The following CYLD variants were observed in gnomAD, a reference collection of about 807,000 sequenced individuals.
The protein encoded by CYLD is CYLD lysine 63 deubiquitinase, also known as ubiquitin carboxyl-terminal hydrolase CYLD.
In CYLD, 26 loss-of-function variants were observed where a neutral mutation model predicts 104.5. The ratio of observed to expected loss-of-function variants is 0.25; its 90% CI spans 0.18 to 0.35. The LOEUF (loss-of-function observed/expected upper bound fraction) is 0.35. CYLD is among the 10% of genes least tolerant of loss of function. The pLI, the probability that CYLD is intolerant of heterozygous loss-of-function variation, is 1.00. For missense variants in CYLD, 703 were observed against 1,136.1 expected (o/e 0.62, Z 5.48); for synonymous variants, 385 against 399.9 (o/e 0.96, Z 0.45).
At chr16:50,767,824 T>C (rs1245569989) in intron 5 of CYLD, among the ~76,000 whole-genome samples, 1 of 152,200 alleles carries the variant, frequency 6.6e-6, no homozygotes, top group East Asian at 1.9e-4. Flanking sequence ...CAATTTGGTT[T>C]GAAATGTAAA....
intron 18 of CYLD, 129 bp from the exon 19 acceptor site, chr16:50,796,195 A>G: frequency 1.2e-6 from 1 of 852,078 alleles, no homozygotes; most frequent in Admixed American, 2.6e-5. Context: ...TCACTTCCAG[A>G]AATCAGAAGT....
At position 50,800,767 on chromosome 16, in the gene CYLD, T is replaced by A. The variant is rs1157567293; in HGVS notation, c.*4259T>A. 5 of 233,202 alleles carry A rather than the reference T, an allele frequency of 2.1e-5. No homozygotes were observed. The East Asian group carries it at 3.0e-4, about 14-fold the overall frequency. 14.4% of individuals were successfully genotyped at this position (233,202 alleles called of 1,614,324 possible). A position where few individuals can be genotyped will look rare whatever the true frequency, so the allele number is the denominator to read the frequency against. On this transcript the variant is annotated 3_prime_UTR_variant, in exon 19 of 19. Transcript: ENST00000427738. ...CTTGTCATAAAGTAAGAGGTCTTTTTAAAGTAGGTAGGCTATAAGGCCTGT... is the reference window on the plus strand; with the variant it reads ...CTTGTCATAAAGTAAGAGGTCTTTTAAAAGTAGGTAGGCTATAAGGCCTGT...
rs564200996 is a variant in CYLD at position 50,764,859 on chromosome 16, G to T, written c.914-10307G>T. On this transcript the variant is annotated intron_variant, in intron 5 of 18. Coordinates refer to ENST00000427738, the MANE Select transcript of CYLD (RefSeq NM_001378743.1). ...GCCCTACACAACACAGAATTATCTG[G>T]TTCAGAACCTTAGTAGAACTGAGCT... is the stretch of plus-strand genomic sequence containing the variant. 1.3e-4 allele frequency among the ~76,000 whole-genome samples: 20 copies of T among 152,268 alleles called. No homozygotes were observed. In the South Asian group the frequency reaches 3.7e-3, roughly 28 times the overall value.
intron 15 of CYLD, 55 bp from the exon 16 acceptor site, chr16:50,792,542 G>A: frequency 7.6e-7 from 1 of 1,319,318 alleles, no homozygotes; most frequent in Non-Finnish European, 1.1e-6. Context: ...TGGTTTCATA[G>A]GGAAAAGTGT....
chr16:50,762,880 C>T (rs1202742596), intron 5 of CYLD, among the ~76,000 whole-genome samples: 2 of 152,166 alleles, frequency 1.3e-5, no homozygotes, highest in Non-Finnish European at 2.9e-5. Flanking sequence ...AACAGCTTTA[C>T]TGAGATCTAG....
At chr16:50,786,301 A>G (rs1970809106) in intron 12 of CYLD, 1 of 152,228 alleles carries the variant, frequency 6.6e-6, no homozygotes, top group Non-Finnish European at 1.5e-5. Flanking sequence ...AAACCTAAAA[A>G]TTTTTTATCT....
At chr16:50,771,077 T>C (rs958551342) in intron 5 of CYLD, among the ~76,000 whole-genome samples, 1 of 152,162 alleles carries the variant, frequency 6.6e-6, no homozygotes, top group Non-Finnish European at 1.5e-5. Context: ...TTTTTAAAAA[T>C]TGAAATGTAA....
intron 5 of CYLD, among the ~76,000 whole-genome samples, chr16:50,766,300 A>G (rs1968510755): frequency 6.6e-6 from 1 of 152,164 alleles, no homozygotes. Context: ...ATGACAACAC[A>G]TGTGTTTATA....
rs1343443448 is a variant in CYLD at position 50,784,310 on chromosome 16, T to C, written c.1827-19T>C. 6.2e-7 allele frequency: 1 copy of C among 1,611,644 alleles called. No individual in the cohort carries two copies. The highest frequency in any genetic ancestry group is 1.7e-5 in the Admixed American group (1 of 59,996). On this transcript the variant is annotated intron_variant, in intron 11 of 18. Coordinates refer to ENST00000427738, the MANE Select transcript of CYLD (RefSeq NM_001378743.1). ...AATATGTTTACAGCATGAAGAAAAT[T>C]ATCCTTTTTCTTTTGCAGCTTATTT...
intron 9 of CYLD, among the ~76,000 whole-genome samples, chr16:50,780,940 C>A (rs1567447869): frequency 6.6e-6 from 1 of 151,982 alleles, no homozygotes; most frequent in African/African-American, 2.4e-5. Context: ...TCCTTCCCTG[C>A]CTGTTTTAAT....
intron 2 of CYLD, among the ~76,000 whole-genome samples, chr16:50,743,107 C>T (rs999907893): frequency 6.6e-6 from 1 of 152,002 alleles, no homozygotes; most frequent in Non-Finnish European, 1.5e-5. Flanking sequence ...ACCTTCTTCT[C>T]CTCAATTTTT....
At chr16:50,783,928 G>A in intron 11 of CYLD, 1 of 242,808 alleles carries the variant, frequency 4.1e-6, no homozygotes, top group East Asian at 1.0e-4. Context: ...GGGAAGTGGG[G>A]CACTGAATAG....
chr16:50,793,450 C>G, intron 16 of CYLD, 96 bp from the exon 17 acceptor site: 1 of 864,268 alleles, frequency 1.2e-6, no homozygotes, highest in Non-Finnish European at 2.0e-6. Context: ...TGAACATTGT[C>G]CTTTTTAAAG....
At chr16:50,777,801 A>C in intron 7 of CYLD, 24 bp from the exon 8 acceptor site, 1 of 1,313,016 alleles carries the variant, frequency 7.6e-7, no homozygotes, top group East Asian at 2.3e-5. Flanking sequence ...TTATTTTTAA[A>C]TGAAACTTTT....
intron 12 of CYLD, chr16:50,785,606 C>T (rs921876133): frequency 5.9e-5 from 9 of 152,200 alleles, no homozygotes; most frequent in African/African-American, 2.2e-4. Flanking sequence ...GTTAACACCT[C>T]CTTCCTAGAA....
chr16:50,784,592 T>G (rs568112459), intron 12 of CYLD, 141 bp downstream of exon 12: 290 of 937,310 alleles, frequency 3.1e-4, no homozygotes, highest in Admixed American at 4.9e-4. Flanking sequence ...ATTACGTTTT[T>G]AAACCTTTGG....
In CYLD at chr16:50,779,677, C is replaced by A. The variant is rs956627984; in HGVS notation, c.1151C>A (p.Pro384His). ...TWYIDEVAED[P>H]AKSLTEISTD... ...AATAATTTTTTAGTTGCAGAAGACCCTGCAAAATCTCTTACAGAGATATCT... is the reference window on the plus strand; with the variant it reads ...AATAATTTTTTAGTTGCAGAAGACCATGCAAAATCTCTTACAGAGATATCT... The change falls in exon 9 of 19, where the codon CCT becomes CAT. Residue 384 changes from proline to histidine, a missense_variant. By Grantham distance (77) the Pro-to-His change is moderately conservative. This residue lies in a region of CYLD where 183 missense variants were observed against 212.1 expected (regional missense o/e 0.86). Coordinates refer to ENST00000427738, the MANE Select transcript of CYLD (RefSeq NM_001378743.1). The A allele has an allele frequency of 6.2e-7, 1 of 1,613,888 alleles. No individual in the cohort carries two copies. The highest frequency in any genetic ancestry group is 8.5e-7 in the Non-Finnish European group (1 of 1,179,928).
chr16:50,793,413 G>C, intron 16 of CYLD, 133 bp from the exon 17 acceptor site: 1 of 771,756 alleles, frequency 1.3e-6, no homozygotes, highest in Non-Finnish European at 2.4e-6. Flanking sequence ...TAAGCAGATG[G>C]AAGAGAAAGA....
chr16:50,798,338 C>T lies in CYLD; in HGVS notation c.*1830C>T, dbSNP rs995836540. The T allele has an allele frequency of 2.2e-5, 5 of 231,216 alleles. No individual in the cohort carries two copies. The highest frequency in any genetic ancestry group is 1.1e-4 in the African/African-American group (5 of 45,164). The allele number at this position is 231,216 out of a possible 1,614,324, so 14.3% of individuals were successfully genotyped here. The stretch of plus-strand genomic sequence containing the variant: ...TTTTTAAAAAAAGGATGGTTACATC[C>T]GTATTGAACATGTACAGACTTTTTT... On this transcript the variant is annotated 3_prime_UTR_variant, in exon 19 of 19. Coordinates refer to ENST00000427738, the MANE Select transcript of CYLD (RefSeq NM_001378743.1).
Sources: allele counts gnomAD v4.1 joint callset (sites outside exome capture counted in the v4.1 genomes callset), GRCh38; gene constraint gnomAD v4.1.1; regional missense constraint gnomAD v4.1.1; transcripts MANE v1.5; gene names NCBI Gene and HGNC (gene_info 2026-07-23, HGNC 2026-07-21).